MGAT4C: variants seen among roughly 807,000 people sequenced by gnomAD.
MGAT4C encodes the protein MGAT4 family member C.
MGAT4C carries 19 observed loss-of-function variants against 40.1 expected under a neutral mutation model. That is an observed-to-expected ratio of 0.47 (90% CI 0.33 to 0.70). MGAT4C has a LOEUF of 0.70. Among genes scored for constraint, MGAT4C ranks in the 30% least tolerant of loss-of-function variants. MGAT4C has a pLI of 0.02. For missense variants in MGAT4C, 491 were observed against 563.2 expected, an observed-to-expected ratio of 0.87 and a Z score of 1.30; for synonymous variants, 181 against 187.1, an observed-to-expected ratio of 0.97 and a Z score of 0.27.
intron 2 of MGAT4C, among the ~76,000 whole-genome samples, chr12:86,045,304 A>G (rs1376265689): frequency 6.6e-6 from 1 of 152,148 alleles, no homozygotes; most frequent in African/African-American, 2.4e-5. Flanking sequence ...AGTAAAAGCT[A>G]ATACTATTTA....
Position 86,819,052 on chromosome 12 carries a change from A to G in MGAT4C, c.-262+19614T>C, listed in dbSNP as rs557331555. Among the ~76,000 whole-genome samples the G allele has an allele frequency of 2.6e-5, 4 of 151,172 alleles. No homozygotes were observed. In the South Asian group the frequency reaches 8.3e-4, roughly 31 times the overall value. ...GCAAATGCAAAATGGTATAACCACT[A>G]TGAAAAACAAAAATGTAAGATTTAC... On this transcript the variant is annotated intron_variant, in intron 1 of 7. Transcript: ENST00000548651.
chr12:86,808,640 G>C (rs552694589), intron 1 of MGAT4C, among the ~76,000 whole-genome samples: 45 of 151,822 alleles, frequency 3.0e-4, no homozygotes, highest in African/African-American at 9.4e-4. Flanking sequence ...CAATATAATA[G>C]CCATTTATGA....
intron 3 of MGAT4C, among the ~76,000 whole-genome samples, chr12:86,414,944 C>T (rs1956678537): frequency 6.6e-6 from 1 of 152,086 alleles, no homozygotes; most frequent in East Asian, 1.9e-4. Context: ...TGTGACTGAG[C>T]ACTATTTGTA....
At chr12:86,645,448 A>G (rs1963515197) in intron 2 of MGAT4C, among the ~76,000 whole-genome samples, 2 of 151,794 alleles carry the variant, frequency 1.3e-5, no homozygotes, top group Admixed American at 1.3e-4. Context: ...TGGGACCATT[A>G]CAGAAGAAAT....
chr12:86,735,349 A>AAC (rs1565955378), intron 1 of MGAT4C, among the ~76,000 whole-genome samples: 1 of 151,842 alleles, frequency 6.6e-6, no homozygotes, highest in African/African-American at 2.4e-5. Context: ...ATTTCAGTTG[A>AAC]TGAAATCATC....
intron 2 of MGAT4C, among the ~76,000 whole-genome samples, chr12:86,012,967 TA>T (rs373512076): frequency 0.28 from 40,532 of 145,624 alleles, 5,862 homozygotes; most frequent in African/African-American, 0.36. Context: ...CCACGAAAAT[TA>T]AAAAAAAAAA....
chr12:85,989,578 T>C (rs1335827324), intron 2 of MGAT4C, 26 bp from the exon 3 acceptor site: 2 of 1,554,058 alleles, frequency 1.3e-6, no homozygotes, highest in East Asian at 2.3e-5. Context: ...ACAGAATTAC[T>C]AGCAGTTGGT....
intron 1 of MGAT4C, among the ~76,000 whole-genome samples, chr12:86,121,415 G>C (rs1039840333): frequency 6.6e-6 from 1 of 152,018 alleles, no homozygotes; most frequent in African/African-American, 2.4e-5. Context: ...GATACTCCTC[G>C]AGACAAGCAA....
chr12:86,574,204 T>C (rs1012347146), intron 2 of MGAT4C, among the ~76,000 whole-genome samples: 2 of 151,794 alleles, frequency 1.3e-5, no homozygotes, highest in Non-Finnish European at 2.9e-5. Context: ...AGAGAGAGTA[T>C]GAGTTGGGAT....
chr12:86,048,778 A>G (rs982671701), intron 2 of MGAT4C, among the ~76,000 whole-genome samples: 10 of 152,042 alleles, frequency 6.6e-5, no homozygotes, highest in African/African-American at 2.4e-4. Flanking sequence ...AAAGATTAAG[A>G]GAAGACTTTA....
intron 1 of MGAT4C, among the ~76,000 whole-genome samples, chr12:86,107,217 C>G (rs940029192): frequency 1.3e-5 from 2 of 152,074 alleles, no homozygotes; most frequent in Admixed American, 6.6e-5. Flanking sequence ...ATTGTATGAG[C>G]CTTGTACTTT....
chr12:86,835,113 CAT>C (rs34123337), intron 1 of MGAT4C, among the ~76,000 whole-genome samples: 17,384 of 151,722 alleles, frequency 0.11, 1,192 homozygotes, highest in Non-Finnish European at 0.15. Flanking sequence ...TAAAGACAGA[CAT>C]GTGTTATGTT....
At chr12:86,122,769 T>G (rs1879595101) in intron 1 of MGAT4C, among the ~76,000 whole-genome samples, 1 of 146,556 alleles carries the variant, frequency 6.8e-6, no homozygotes, top group Non-Finnish European at 1.5e-5. Flanking sequence ...TTTTAATGTG[T>G]GTGTATGTGT....
intron 1 of MGAT4C, among the ~76,000 whole-genome samples, chr12:86,757,146 C>T (rs1371076069): frequency 7.1e-6 from 1 of 141,506 alleles, no homozygotes; most frequent in African/African-American, 2.6e-5. Flanking sequence ...TGTTCTCACT[C>T]ATAAGTGGGA....
intron 4 of MGAT4C, among the ~76,000 whole-genome samples, chr12:86,328,422 G>A (rs1275237903): frequency 6.6e-6 from 1 of 151,954 alleles, no homozygotes; most frequent in East Asian, 1.9e-4. Context: ...AAAAGTCTAT[G>A]GAATCGACAA....
At chr12:86,497,920 A>G (rs1401722909) in intron 2 of MGAT4C, among the ~76,000 whole-genome samples, 1 of 145,174 alleles carries the variant, frequency 6.9e-6, no homozygotes, top group Non-Finnish European at 1.5e-5. Flanking sequence ...ATATATACGC[A>G]CACACACATA....
At chr12:86,272,786 G>A (rs952464704) in intron 4 of MGAT4C, among the ~76,000 whole-genome samples, 7 of 152,168 alleles carry the variant, frequency 4.6e-5, no homozygotes, top group Admixed American at 1.3e-4. Flanking sequence ...CTGGGAGGTC[G>A]AAGCTACAGT....
chr12:86,381,300 G>C (rs2136220079), intron 3 of MGAT4C, among the ~76,000 whole-genome samples: 1 of 152,194 alleles, frequency 6.6e-6, no homozygotes, highest in East Asian at 1.9e-4. Context: ...CAGATTTAGA[G>C]AAAAAAGACA....
intron 1 of MGAT4C, among the ~76,000 whole-genome samples, chr12:86,221,625 T>C (rs892181258): frequency 2.0e-5 from 3 of 152,190 alleles, no homozygotes; most frequent in Non-Finnish European, 4.4e-5. Context: ...TATATTCTTG[T>C]AACAAGTAGC....
Sources: gnomAD v4.1 joint callset for allele counts (sites outside exome capture counted in the v4.1 genomes callset) on GRCh38, gnomAD v4.1.1 for gene constraint, MANE v1.5 for transcripts, NCBI Gene and HGNC (gene_info 2026-07-23, HGNC 2026-07-21) for gene names.